MYLK: variants seen among roughly 807,000 people sequenced by gnomAD.
MYLK encodes myosin light chain kinase, smooth muscle.
Under a neutral mutation model 203.4 loss-of-function variants are expected in MYLK, and 106 were observed. That is an observed-to-expected ratio of 0.52 (90% confidence interval 0.45 to 0.61). The LOEUF (loss-of-function observed/expected upper bound fraction) is 0.61. MYLK is among the 20% of genes least tolerant of loss of function. The pLI, the probability that MYLK is intolerant of heterozygous loss-of-function variation, is 0.00. For missense variants in MYLK, 2,072 were observed against 2,442.3 expected (o/e 0.85, Z 3.20); for synonymous variants, 867 against 959.5 (o/e 0.90, Z 1.78).
chr3:123,787,297 C>T (rs2064568576), intron 4 of MYLK, among the ~76,000 whole-genome samples: 1 of 152,148 alleles, frequency 6.6e-6, no homozygotes, highest in Non-Finnish European at 1.5e-5. Flanking sequence ...TAGGCACAGG[C>T]TGTGGAGGAG....
At chr3:123,766,357 C>T (rs558344429) in intron 4 of MYLK, among the ~76,000 whole-genome samples, 10 of 152,210 alleles carry the variant, frequency 6.6e-5, no homozygotes, top group Non-Finnish European at 1.3e-4. Flanking sequence ...AGAAGTGGCT[C>T]GCAGCCTCGA....
chr3:123,800,346 AT>A (rs961174131), intron 3 of MYLK, among the ~76,000 whole-genome samples: 2 of 152,060 alleles, frequency 1.3e-5, no homozygotes, highest in Non-Finnish European at 2.9e-5. Flanking sequence ...CTGGCCTGGG[AT>A]TACCACCCAG....
chr3:123,667,063 A>G, intron 21 of MYLK, 74 bp downstream of exon 21: 1 of 1,350,012 alleles, frequency 7.4e-7, no homozygotes. Flanking sequence ...CCCAGGTGTC[A>G]GTCTAGCAAG....
At chr3:123,666,135 C>T (rs2059725847) in intron 22 of MYLK, 84 bp downstream of exon 22, 2 of 1,605,892 alleles carry the variant, frequency 1.2e-6, no homozygotes, top group Middle Eastern at 1.6e-4. Flanking sequence ...CCATCTCCAG[C>T]ACGGCATTTC....
At chr3:123,744,397 G>C (rs2108841183) in intron 5 of MYLK, among the ~76,000 whole-genome samples, 1 of 152,246 alleles carries the variant, frequency 6.6e-6, no homozygotes, top group Non-Finnish European at 1.5e-5. Flanking sequence ...AAGTGAAAGA[G>C]CACAGGTCTA....
rs191655846 is a variant in MYLK at position 123,737,764 on chromosome 3, C to A, written c.589-221G>T. Among the ~76,000 whole-genome samples the A allele has an allele frequency of 5.9e-5, 9 of 152,250 alleles. No homozygotes were observed. In the East Asian group the frequency reaches 1.7e-3, roughly 29 times the overall value. ...GTGTGGTGCTCTGTCCTGCTTAGAG[C>A]AGTTGCCTGAAAACTGTTTCAAAGG... is the stretch of plus-strand genomic sequence containing the variant. On this transcript the variant is annotated intron_variant, in intron 7 of 33. Coordinates refer to ENST00000360304, the MANE Select transcript of MYLK (RefSeq NM_053025.4).
chr3:123,633,967 ACTACTGCACCTGG>A (rs2058541149), intron 29 of MYLK, among the ~76,000 whole-genome samples: 1 of 152,136 alleles, frequency 6.6e-6, no homozygotes, highest in African/African-American at 2.4e-5. Flanking sequence ...ACAGGTGCAC[ACTACTGCACCTGG>A]CTTCTGTGTT....
At chr3:123,726,851 C>CTG (rs2062306196) in intron 11 of MYLK, among the ~76,000 whole-genome samples, 1 of 152,164 alleles carries the variant, frequency 6.6e-6, no homozygotes, top group African/African-American at 2.4e-5. Flanking sequence ...CCAGAACATG[C>CTG]TGTACATGTG....
At chr3:123,686,791 G>A (rs1013395630) in intron 19 of MYLK, among the ~76,000 whole-genome samples, 5 of 152,214 alleles carry the variant, frequency 3.3e-5, no homozygotes, top group African/African-American at 7.2e-5. Flanking sequence ...CTCCATGTAT[G>A]CACGGTGCTA....
intron 27 of MYLK, among the ~76,000 whole-genome samples, chr3:123,641,260 T>A (rs960152134): frequency 2.6e-5 from 4 of 152,196 alleles, no homozygotes; most frequent in Admixed American, 2.6e-4. Flanking sequence ...CATCAGCATA[T>A]TGCCCTTCAG....
intron 8 of MYLK, chr3:123,735,702 G>C: frequency 2.5e-6 from 1 of 397,922 alleles, no homozygotes; most frequent in South Asian, 3.9e-5. Flanking sequence ...ACCAATCCAG[G>C]GACAAACAAA....
Position 123,706,525 on chromosome 3 carries a change from T to G in MYLK, c.2390+1229A>C, listed in dbSNP as rs551596846. 9.2e-5 allele frequency among the ~76,000 whole-genome samples: 14 copies of G among 152,204 alleles called. No homozygotes were observed. The East Asian group carries it at 2.7e-3, about 29-fold the overall frequency. ...TGTGGCACGACCTCCTATTTGTAGG[T>G]TAGGTGCAAACAAATGCTCTTCTTC... On this transcript the variant is annotated intron_variant, in intron 16 of 33. Coordinates refer to ENST00000360304, the MANE Select transcript of MYLK (RefSeq NM_053025.4).
chr3:123,766,616 G>A (rs539858292), intron 4 of MYLK, among the ~76,000 whole-genome samples: 87 of 152,338 alleles, frequency 5.7e-4, no homozygotes, highest in Admixed American at 1.7e-3. Flanking sequence ...GCTCCCAACA[G>A]CCCTGCCCGC....
chr3:123,833,954 A>C, intron 2 of MYLK, among the ~76,000 whole-genome samples: 1 of 152,216 alleles, frequency 6.6e-6, no homozygotes, highest in Non-Finnish European at 1.5e-5. Context: ...AACACTGGAA[A>C]ATTGTCCACT....
chr3:123,826,244 C>A (rs1216043008), intron 3 of MYLK, among the ~76,000 whole-genome samples: 1 of 152,148 alleles, frequency 6.6e-6, no homozygotes, highest in Non-Finnish European at 1.5e-5. Flanking sequence ...TGAGATATAG[C>A]CCTGTGGGCC....
intron 8 of MYLK, among the ~76,000 whole-genome samples, chr3:123,736,013 T>A (rs889718175): frequency 1.3e-5 from 2 of 152,168 alleles, no homozygotes; most frequent in African/African-American, 4.8e-5. Context: ...GGCAACATAT[T>A]TTGTCATGAA....
chr3:123,774,691 G>A (rs2064003601), intron 4 of MYLK, among the ~76,000 whole-genome samples: 1 of 152,150 alleles, frequency 6.6e-6, no homozygotes, highest in East Asian at 1.9e-4. Context: ...TATTCTTCAA[G>A]AGCACTGTTA....
intron 3 of MYLK, among the ~76,000 whole-genome samples, chr3:123,829,248 A>T (rs187540550): frequency 1.7e-4 from 26 of 152,338 alleles, no homozygotes; most frequent in Middle Eastern, 6.8e-3. Context: ...ACACAATGGA[A>T]TACTATTCAG....
At chr3:123,770,348 G>A (rs188195261) in intron 4 of MYLK, among the ~76,000 whole-genome samples, 46 of 152,154 alleles carry the variant, frequency 3.0e-4, no homozygotes, top group Admixed American at 5.2e-4. Flanking sequence ...ACAAAGGTCC[G>A]AATCAAGATA....
Sources: gnomAD v4.1 joint callset for allele counts (sites outside exome capture counted in the v4.1 genomes callset) on GRCh38, gnomAD v4.1.1 for gene constraint, MANE v1.5 for transcripts, NCBI Gene and HGNC (gene_info 2026-07-23, HGNC 2026-07-21) for gene names.